The following TENM1 variants were observed in gnomAD, a reference collection of about 807,000 sequenced individuals.
The protein encoded by TENM1 is teneurin-1.
A neutral mutation model predicts 174.8 loss-of-function variants in TENM1; 35 were observed. That is an observed-to-expected ratio of 0.20 (90% CI 0.15 to 0.27). The LOEUF (loss-of-function observed/expected upper bound fraction) is 0.27. Ranked by LOEUF, TENM1 falls within the 10% of genes least tolerant of loss-of-function variation. TENM1 has a pLI of 1.00. For synonymous variants in TENM1, 781 were observed against 798.7 expected (o/e 0.98, Z 0.37); for missense variants, 1,633 against 2,130.1 (o/e 0.77, Z 4.59).
the TENM1 span, among the ~76,000 whole-genome samples, chrX:125,164,495 A>G: frequency 1.3e-3 from 141 of 112,034 alleles, no homozygotes; most frequent in Non-Finnish European, 2.3e-3. Context: ...CAAATAATAC[A>G]GGCTACACTA....
intron 4 of TENM1, among the ~76,000 whole-genome samples, chrX:124,733,973 ACTTAACCATATTGCC>A (rs2048346824): frequency 8.9e-6 from 1 of 111,973 alleles, no homozygotes; most frequent in African/African-American, 3.3e-5. Flanking sequence ...CAGAACTGCT[ACTTAACCATATTGCC>A]CTGTTGTTTC....
At chrX:124,478,188 A>T (rs1316212498) in intron 22 of TENM1, among the ~76,000 whole-genome samples, 1 of 112,535 alleles carries the variant, frequency 8.9e-6, no homozygotes, top group Non-Finnish European at 1.9e-5. Flanking sequence ...AGTCAATGGC[A>T]CCACTCAGCC....
intron 11 of TENM1, among the ~76,000 whole-genome samples, chrX:124,587,546 G>T (rs1356813509): frequency 4.5e-5 from 5 of 111,366 alleles, no homozygotes; most frequent in Non-Finnish European, 9.4e-5. Flanking sequence ...ATTCAAGATG[G>T]ATTAAAGACT....
the TENM1 span, among the ~76,000 whole-genome samples, chrX:125,034,350 C>T: frequency 2.7e-5 from 3 of 111,784 alleles, no homozygotes; most frequent in African/African-American, 6.5e-5. Flanking sequence ...CAAAAGTTAG[C>T]ATTAATCTCC....
chrX:124,395,182 T>A (rs930097165), intron 27 of TENM1, among the ~76,000 whole-genome samples: 3 of 111,493 alleles, frequency 2.7e-5, no homozygotes, highest in African/African-American at 6.5e-5. Flanking sequence ...TTTCCCAATA[T>A]GAGAGTGGGA....
chrX:124,577,143 C>T (rs115106627), intron 11 of TENM1, among the ~76,000 whole-genome samples: 1,243 of 111,769 alleles, frequency 0.011, 14 homozygotes, highest in African/African-American at 0.038. Context: ...TGCTTTAGAA[C>T]GCTAACTCTA....
chrX:124,605,414 T>C (rs540838415), intron 11 of TENM1, among the ~76,000 whole-genome samples: 100 of 108,898 alleles, frequency 9.2e-4, no homozygotes, highest in African/African-American at 3.0e-3. Flanking sequence ...TACAGGACCT[T>C]TTGTTGTATA....
the TENM1 span, among the ~76,000 whole-genome samples, chrX:125,145,189 T>C: frequency 8.9e-6 from 1 of 112,018 alleles, no homozygotes; most frequent in Non-Finnish European, 1.9e-5. Context: ...ATTTCTTTTT[T>C]GGGACTGCAA....
intron 11 of TENM1, among the ~76,000 whole-genome samples, chrX:124,637,439 C>T (rs2050907110): frequency 9.0e-6 from 1 of 111,311 alleles, no homozygotes; most frequent in African/African-American, 3.3e-5. Context: ...TTTCCATCTA[C>T]ACTTAAATTC....
intron 22 of TENM1, among the ~76,000 whole-genome samples, chrX:124,471,388 CTATATATAA>C (rs1491089722): frequency 4.1e-5 from 1 of 24,438 alleles, no homozygotes; most frequent in African/African-American, 1.8e-4. Flanking sequence ...ATATATAGTA[CTATATATAA>C]TATATATTAT....
At chrX:124,741,477 G>A (rs536673215) in intron 3 of TENM1, among the ~76,000 whole-genome samples, 1 of 110,896 alleles carries the variant, frequency 9.0e-6, no homozygotes, top group Non-Finnish European at 1.9e-5. Flanking sequence ...CTAACCAAAG[G>A]GTTATGGAAA....
intron 11 of TENM1, among the ~76,000 whole-genome samples, chrX:124,640,316 C>T (rs183127704): frequency 4.5e-5 from 5 of 111,377 alleles, no homozygotes; most frequent in African/African-American, 1.3e-4. Context: ...TGAATTATTA[C>T]GCTAAAATTA....
chrX:124,585,724 T>C (rs1418402496), intron 11 of TENM1, among the ~76,000 whole-genome samples: 4 of 111,294 alleles, frequency 3.6e-5, no homozygotes, highest in African/African-American at 1.3e-4. Flanking sequence ...CAAAAAACCC[T>C]TCAAAAAATT....
chrX:125,168,265 G>T, the TENM1 span, among the ~76,000 whole-genome samples: 1 of 111,901 alleles, frequency 8.9e-6, no homozygotes, highest in African/African-American at 3.2e-5. Context: ...ACAGGTCCTG[G>T]TACATGGCTA....
chrX:124,660,744 C>T (rs1356834750), intron 6 of TENM1, among the ~76,000 whole-genome samples: 1 of 111,936 alleles, frequency 8.9e-6, no homozygotes, highest in East Asian at 2.8e-4. Context: ...ATGTGGAGAA[C>T]TGGTATTCTC....
the TENM1 span, among the ~76,000 whole-genome samples, chrX:125,079,034 C>T: frequency 1.0e-3 from 111 of 111,428 alleles, 1 homozygote; most frequent in African/African-American, 3.5e-3. Flanking sequence ...TAAGGAGCAC[C>T]GTCAGGATTC....
At chrX:125,145,227 C>T in the TENM1 span, among the ~76,000 whole-genome samples, 1 of 111,764 alleles carries the variant, frequency 8.9e-6, no homozygotes, top group East Asian at 2.8e-4. Context: ...GAACATGTGG[C>T]TCCCCTATGG....
chrX:125,080,408 C>T, the TENM1 span, among the ~76,000 whole-genome samples: 1 of 110,879 alleles, frequency 9.0e-6, no homozygotes, highest in Non-Finnish European at 1.9e-5. Context: ...ACCAGCTCAG[C>T]TGTGGAGATT....
At chrX:124,514,406 T>A (rs185565710) in intron 18 of TENM1, among the ~76,000 whole-genome samples, 86 of 110,838 alleles carry the variant, frequency 7.8e-4, no homozygotes, top group Middle Eastern at 9.3e-3. Context: ...GATCAAAAAA[T>A]TCAGGTGTTG....
Sources: gnomAD v4.1 joint callset for allele counts (sites outside exome capture counted in the v4.1 genomes callset) on GRCh38, gnomAD v4.1.1 for gene constraint, MANE v1.5 for transcripts, NCBI Gene and HGNC (gene_info 2026-07-23, HGNC 2026-07-21) for gene names.